The following MTHFD2L variants were observed in gnomAD, a reference collection of about 807,000 sequenced individuals.
MTHFD2L encodes methylenetetrahydrofolate dehydrogenase (NADP+ dependent) 2 like.
MTHFD2L carries 29 observed loss-of-function variants against 34.9 expected under a neutral mutation model. The observed-to-expected ratio is 0.83, with a 90% CI of 0.62 to 1.13. The LOEUF is 1.13. Ranked by LOEUF, MTHFD2L falls within the 50% of genes most tolerant of loss-of-function variation. The pLI is 0.00. For missense variants in MTHFD2L, 481 were observed against 446.5 expected, an observed-to-expected ratio of 1.08 and a Z score of -0.70; for synonymous variants, 167 against 155.7, an observed-to-expected ratio of 1.07 and a Z score of -0.54.
chr4:74,186,748 C>G (rs893735470), intron 3 of MTHFD2L, among the ~76,000 whole-genome samples: 5 of 151,858 alleles, frequency 3.3e-5, no homozygotes, highest in African/African-American at 1.2e-4. Flanking sequence ...GTTAAAATAC[C>G]AATTTTCCTC....
At chr4:74,244,050 C>A (rs529324020) in intron 6 of MTHFD2L, among the ~76,000 whole-genome samples, 186 of 152,310 alleles carry the variant, frequency 1.2e-3, no homozygotes, top group Middle Eastern at 6.8e-3. Context: ...GAAAATGCCA[C>A]TCCCTGTTTG....
At chr4:74,179,996 C>T in intron 3 of MTHFD2L, among the ~76,000 whole-genome samples, 1 of 152,062 alleles carries the variant, frequency 6.6e-6, no homozygotes, top group East Asian at 1.9e-4. Context: ...GAGAGTCTTT[C>T]CAGATCATTC....
intron 7 of MTHFD2L, among the ~76,000 whole-genome samples, chr4:74,293,132 G>T (rs1749170419): frequency 2.0e-5 from 3 of 152,014 alleles, no homozygotes; most frequent in African/African-American, 7.3e-5. Flanking sequence ...TGTCATGGTG[G>T]TTGGCTGCAC....
At chr4:74,251,472 A>G (rs1435066620) in intron 6 of MTHFD2L, among the ~76,000 whole-genome samples, 3 of 152,182 alleles carry the variant, frequency 2.0e-5, no homozygotes, top group African/African-American at 7.2e-5. Context: ...TAATTATCCC[A>G]AACTCTTTTT....
At chr4:74,188,694 G>GTATACA (rs1167000748) in intron 3 of MTHFD2L, among the ~76,000 whole-genome samples, 17 of 146,170 alleles carry the variant, frequency 1.2e-4, no homozygotes, top group African/African-American at 4.0e-4. Flanking sequence ...ATATATATGT[G>GTATACA]TATGCATATG....
chr4:74,185,151 CAAAAAAAAAAAA>C (rs1169021073), intron 3 of MTHFD2L, among the ~76,000 whole-genome samples: 40 of 15,982 alleles, frequency 2.5e-3, no homozygotes, highest in South Asian at 0.014. Flanking sequence ...GACTCCATCT[CAAAAAAAAAAAA>C]AAAAAAAAAA....
intron 1 of MTHFD2L, among the ~76,000 whole-genome samples, chr4:74,129,622 G>A (rs556911925): frequency 1.3e-5 from 2 of 152,184 alleles, no homozygotes; most frequent in South Asian, 2.1e-4. Context: ...ATGCCCACAG[G>A]AGAAAGTGGG....
intron 6 of MTHFD2L, among the ~76,000 whole-genome samples, chr4:74,246,931 C>A (rs1742551636): frequency 6.6e-6 from 1 of 152,062 alleles, no homozygotes; most frequent in Non-Finnish European, 1.5e-5. Context: ...CAGCTTTGTT[C>A]CTTTGGCTTA....
intron 1 of MTHFD2L, among the ~76,000 whole-genome samples, chr4:74,129,318 T>G (rs1275682505): frequency 3.3e-5 from 5 of 152,080 alleles, no homozygotes; most frequent in Admixed American, 1.3e-4. Flanking sequence ...ATCATCCTTA[T>G]TCTAAAATTG....
chr4:74,259,987 G>A (rs1744481737), intron 6 of MTHFD2L, among the ~76,000 whole-genome samples: 1 of 152,128 alleles, frequency 6.6e-6, no homozygotes, highest in African/African-American at 2.4e-5. Context: ...CCACCTAGAG[G>A]AGTATGATGA....
chr4:74,281,284 A>T (rs769283526), intron 6 of MTHFD2L, 141 bp from the exon 7 acceptor site: 41 of 794,098 alleles, frequency 5.2e-5, no homozygotes, highest in Non-Finnish European at 7.6e-5. Flanking sequence ...ATCAGAAATC[A>T]TCAATGGCCT....
At chr4:74,175,452 A>G (rs1386361429) in intron 3 of MTHFD2L, 49 bp downstream of exon 3, 2 of 1,558,412 alleles carry the variant, frequency 1.3e-6, no homozygotes, top group Non-Finnish European at 1.7e-6. Context: ...AGTGAAACAA[A>G]GGGCATCTTT....
chr4:74,202,072 A>G lies in MTHFD2L; in HGVS notation c.712+702A>G, dbSNP rs187891503. On this transcript the variant is annotated intron_variant, in intron 5 of 7. Coordinates refer to ENST00000325278, the MANE Select transcript of MTHFD2L (RefSeq NM_001144978.3). ...CACAGATATTCTGCTTTACCAGTCC[A>G]GCTGAGCATCTGGGCCGCTTACAGA... 6.6e-5 allele frequency among the ~76,000 whole-genome samples: 10 copies of G among 152,372 alleles called. No individual in the cohort carries two copies. The East Asian group carries it at 1.9e-3, about 29-fold the overall frequency.
At chr4:74,233,735 G>A (rs1578559820) in intron 6 of MTHFD2L, among the ~76,000 whole-genome samples, 1 of 151,810 alleles carries the variant, frequency 6.6e-6, no homozygotes, top group Admixed American at 6.6e-5. Context: ...TTCCAAGATC[G>A]ATCACCTCAG....
intron 3 of MTHFD2L, among the ~76,000 whole-genome samples, chr4:74,196,862 A>G (rs969868583): frequency 1.3e-5 from 2 of 151,180 alleles, no homozygotes; most frequent in African/African-American, 2.4e-5. Context: ...AGAAGAATCT[A>G]CTGAACCCAG....
At chr4:74,241,282 A>G (rs954991115) in intron 6 of MTHFD2L, among the ~76,000 whole-genome samples, 1 of 152,204 alleles carries the variant, frequency 6.6e-6, no homozygotes, top group Non-Finnish European at 1.5e-5. Flanking sequence ...GATGACATTA[A>G]TAACTTGTTC....
At chr4:74,289,314 G>A (rs1748590247) in intron 7 of MTHFD2L, among the ~76,000 whole-genome samples, 1 of 152,156 alleles carries the variant, frequency 6.6e-6, no homozygotes, top group Admixed American at 6.5e-5. Flanking sequence ...GACAGATGAG[G>A]GAGCAGCATT....
At chr4:74,189,516 T>C in intron 3 of MTHFD2L, among the ~76,000 whole-genome samples, 1 of 142,270 alleles carries the variant, frequency 7.0e-6, no homozygotes, top group Admixed American at 7.4e-5. Context: ...TTTTTAAAGA[T>C]TAATGGTTTA....
intron 6 of MTHFD2L, among the ~76,000 whole-genome samples, chr4:74,263,131 A>ATG (rs146705039): frequency 1.2e-4 from 18 of 151,568 alleles, no homozygotes; most frequent in African/African-American, 2.9e-4. Flanking sequence ...ATGTATATTT[A>ATG]TGTGTGTGTG....
Sources: allele counts gnomAD v4.1 joint callset (sites outside exome capture counted in the v4.1 genomes callset), GRCh38; gene constraint gnomAD v4.1.1; transcripts MANE v1.5; gene names NCBI Gene and HGNC (gene_info 2026-07-23, HGNC 2026-07-21).